The following PDCL3 variants were observed in gnomAD, a reference collection of about 807,000 sequenced individuals.
The protein encoded by PDCL3 is phosducin like 3.
PDCL3 carries 22 observed loss-of-function variants against 26.5 expected under a neutral mutation model. The ratio of observed to expected loss-of-function variants is 0.83; its 90% CI spans 0.59 to 1.19. The LOEUF (loss-of-function observed/expected upper bound fraction) is 1.19. Among genes scored for constraint, PDCL3 ranks in the 50% most tolerant of loss-of-function variants. The pLI is 0.00. For missense variants in PDCL3, 246 were observed against 294.1 expected (o/e 0.84, Z 1.20); for synonymous variants, 81 against 104.9 (o/e 0.77, Z 1.39).
At chr2:100,564,789 A>G (rs1329210913) in intron 1 of PDCL3, among the ~76,000 whole-genome samples, 1 of 152,162 alleles carries the variant, frequency 6.6e-6, no homozygotes, top group East Asian at 1.9e-4. Context: ...CCACTTTTAC[A>G]TCAGTCTTTG....
At chr2:100,575,527 G>A (rs765468286) in intron 5 of PDCL3, among the ~76,000 whole-genome samples, 3 of 152,214 alleles carry the variant, frequency 2.0e-5, no homozygotes, top group Non-Finnish European at 2.9e-5. Context: ...AATCTCTTAC[G>A]TAGTCCTTTG....
Position 100,576,440 on chromosome 2 carries a change from T to A in PDCL3, c.664T>A (p.Ser222Thr). The stretch of plus-strand genomic sequence containing the variant: ...GAAGCCGATTGAAGACGTGTTGCTG[T>A]CCTCAGTGCGGCGCTCTGTCCTCAT... ...PKKPIEDVLL[S>T]SVRRSVLMKR... The change falls in exon 6 of 6, where the codon TCC (serine) becomes ACC (threonine). Residue 222 changes from serine (S) to threonine (T), a missense_variant. Transcript: ENST00000264254. 1 of 1,613,962 alleles carries A rather than the reference T, an allele frequency of 6.2e-7. No individual in the cohort carries two copies. The highest frequency in any genetic ancestry group is 8.5e-7 in the Non-Finnish European group (1 of 1,179,868).
In PDCL3 at chr2:100,563,130, G is replaced by C. The variant is rs948780085; in HGVS notation, c.6+57G>C. 3 of 1,557,954 alleles carry C rather than the reference G, an allele frequency of 1.9e-6. No homozygotes were observed. The African/African-American group carries it at 4.1e-5, about 21-fold the overall frequency. Reference sequence around the variant, plus strand: ...TGCGGCCCGTTCCTTTGTCTCGTTAGGCCCGGGCGGGCAGTGGACGCCCGC... The same window carrying C: ...TGCGGCCCGTTCCTTTGTCTCGTTACGCCCGGGCGGGCAGTGGACGCCCGC... On this transcript the variant is annotated intron_variant, in intron 1 of 5. Transcript: ENST00000264254.
rs60562550 is a variant in PDCL3 at position 100,564,660 on chromosome 2, G to A, written c.6+1587G>A. Among the ~76,000 whole-genome samples the A allele has an allele frequency of 5.8e-3, 881 of 152,234 alleles. 10 individuals are homozygous for A. Among genetic ancestry groups the A allele is most frequent in the African/African-American group, 0.02 (839 of 41,534 alleles). On this transcript the variant is annotated intron_variant, in intron 1 of 5. Coordinates refer to ENST00000264254, the MANE Select transcript of PDCL3 (RefSeq NM_024065.5). ...GTTGGGGTTGGAGACCGATTATCCC[G>A]GTGCCCTTTTCACAGTGCTCCTGAT... is the stretch of plus-strand genomic sequence containing the variant.
intron 5 of PDCL3, among the ~76,000 whole-genome samples, chr2:100,573,998 G>T (rs749391181): frequency 4.0e-4 from 59 of 148,164 alleles, no homozygotes; most frequent in South Asian, 1.2e-3. Context: ...TATAGAGAGA[G>T]ATATATATAT....
chr2:100,567,194 G>T lies in PDCL3; in HGVS notation c.133+565G>T, dbSNP rs76385337. Among the ~76,000 whole-genome samples the T allele has an allele frequency of 2.5e-3, 378 of 152,292 alleles. 13 individuals carry two copies. In the East Asian group the frequency reaches 0.071, roughly 29 times the overall value. On this transcript the variant is annotated intron_variant, in intron 2 of 5. Coordinates refer to ENST00000264254, the MANE Select transcript of PDCL3 (RefSeq NM_024065.5). ...AGTGCCTTAAAGGATTCTGATGCGTGTCATAGTTTGAGAAGCACTGGTCCC... is the reference window on the plus strand; with the variant it reads ...AGTGCCTTAAAGGATTCTGATGCGTTTCATAGTTTGAGAAGCACTGGTCCC...
At chr2:100,566,032 T>C (rs1232432476) in intron 1 of PDCL3, among the ~76,000 whole-genome samples, 2 of 152,040 alleles carry the variant, frequency 1.3e-5, no homozygotes, top group Non-Finnish European at 2.9e-5. Flanking sequence ...GCCTCCCAAG[T>C]AGCTGGGACT....
intron 1 of PDCL3, among the ~76,000 whole-genome samples, chr2:100,564,517 C>T (rs1160160489): frequency 6.6e-6 from 1 of 152,200 alleles, no homozygotes; most frequent in East Asian, 1.9e-4. Context: ...AGAATTGTCT[C>T]GATCTCCTGA....
intron 2 of PDCL3, among the ~76,000 whole-genome samples, chr2:100,567,468 G>T (rs1470109114): frequency 6.6e-6 from 1 of 152,168 alleles, no homozygotes; most frequent in Non-Finnish European, 1.5e-5. Context: ...GGTTGGAGGA[G>T]AAGCAGGCTC....
intron 1 of PDCL3, 123 bp downstream of exon 1, chr2:100,563,196 G>T (rs1674984683): frequency 3.2e-6 from 4 of 1,248,898 alleles, no homozygotes; most frequent in South Asian, 1.5e-5. Context: ...AGGGAGGCCC[G>T]GCGCGTCCAG....
intron 4 of PDCL3, among the ~76,000 whole-genome samples, chr2:100,569,978 C>T (rs1332236989): frequency 2.0e-5 from 3 of 152,062 alleles, no homozygotes; most frequent in Admixed American, 1.3e-4. Context: ...GGCGTGGTCG[C>T]GGGCGCCTAT....
intron 5 of PDCL3, among the ~76,000 whole-genome samples, chr2:100,575,301 A>T (rs2970998): frequency 6.6e-6 from 1 of 151,914 alleles, no homozygotes; most frequent in Non-Finnish European, 1.5e-5. Flanking sequence ...ATGCCTGGCT[A>T]ATTTTTTGTA....
intron 5 of PDCL3, among the ~76,000 whole-genome samples, chr2:100,573,005 G>T (rs535692043): frequency 6.6e-6 from 1 of 151,622 alleles, no homozygotes; most frequent in Non-Finnish European, 1.5e-5. Context: ...CTGCCTCAGC[G>T]TCTCAGGTAG....
intron 5 of PDCL3, among the ~76,000 whole-genome samples, chr2:100,573,633 A>G (rs376495150): frequency 2.0e-5 from 3 of 150,462 alleles, no homozygotes; most frequent in African/African-American, 4.9e-5. Context: ...AGATCATGCC[A>G]TTGCACTCCA....
rs761977476 is a variant in PDCL3 at position 100,566,492 on chromosome 2, C to T, written c.7-11C>T. 7.4e-6 allele frequency: 12 copies of T among 1,611,392 alleles called. No individual in the cohort carries two copies. The highest frequency in any genetic ancestry group is 2.2e-5 in the East Asian group (1 of 44,858). On this transcript the variant is annotated splice_polypyrimidine_tract_variant and intron_variant, in intron 1 of 5. Coordinates refer to ENST00000264254, the MANE Select transcript of PDCL3 (RefSeq NM_024065.5). Reference sequence around the variant, plus strand: ...TTAGCACTCATGGTAACCTTGGTCCCGCTCTTCTAGGACCCCAACGCAGAC... The same window carrying T: ...TTAGCACTCATGGTAACCTTGGTCCTGCTCTTCTAGGACCCCAACGCAGAC...
At chr2:100,569,797 T>C (rs1675131963) in intron 4 of PDCL3, 76 bp downstream of exon 4, 1 of 1,520,032 alleles carries the variant, frequency 6.6e-7, no homozygotes, top group East Asian at 2.4e-5. Context: ...GTTACCTATA[T>C]CAGAGGGTTA....
At chr2:100,565,399 C>G (rs1043969747) in intron 1 of PDCL3, among the ~76,000 whole-genome samples, 6 of 151,858 alleles carry the variant, frequency 4.0e-5, no homozygotes, top group African/African-American at 9.7e-5. Flanking sequence ...CTCAGCCTCC[C>G]GAGTAGCTGG....
chr2:100,572,539 CAG>C (rs1170237256), intron 5 of PDCL3, among the ~76,000 whole-genome samples: 1 of 141,024 alleles, frequency 7.1e-6, no homozygotes, highest in Non-Finnish European at 1.5e-5. Flanking sequence ...TTTTTTGAGA[CAG>C]AGTTTCACTC....
chr2:100,565,904 T>C lies in PDCL3; in HGVS notation c.7-599T>C, dbSNP rs529110859. On this transcript the variant is annotated intron_variant, in intron 1 of 5. Coordinates refer to ENST00000264254, the MANE Select transcript of PDCL3 (RefSeq NM_024065.5). Reference sequence around the variant, plus strand: ...TCTGTTGAATGAATCACTCAGTCATTATTATTATTATTATTTTGAGACTGT... The same window carrying C: ...TCTGTTGAATGAATCACTCAGTCATCATTATTATTATTATTTTGAGACTGT... Among the ~76,000 whole-genome samples the C allele has an allele frequency of 1.1e-4, 16 of 152,086 alleles. No homozygotes were observed. The East Asian group carries it at 1.2e-3, about 11-fold the overall frequency.
Sources: gnomAD v4.1 joint callset for allele counts (sites outside exome capture counted in the v4.1 genomes callset) on GRCh38, gnomAD v4.1.1 for gene constraint, MANE v1.5 for transcripts, NCBI Gene and HGNC (gene_info 2026-07-23, HGNC 2026-07-21) for gene names.